The following EXOC4 variants were observed in gnomAD, a reference collection of about 807,000 sequenced individuals.
EXOC4 encodes SEC8-like 1.
In EXOC4, 71 loss-of-function variants were observed where a neutral mutation model predicts 107.2. The observed-to-expected ratio is 0.66, with a 90% CI of 0.55 to 0.81. The LOEUF is 0.81. Among genes scored for constraint, EXOC4 ranks in the 30% least tolerant of loss-of-function variants. The probability of loss-of-function intolerance (pLI) is 0.00; values close to 1 mark genes in which losing one functional copy is unlikely to be tolerated. For missense variants in EXOC4, 1,108 were observed against 1,189.6 expected, an observed-to-expected ratio of 0.93 and a Z score of 1.01; for synonymous variants, 456 against 441.2, an observed-to-expected ratio of 1.03 and a Z score of -0.42.
At chr7:133,960,789 T>A (rs1800924915) in intron 14 of EXOC4, among the ~76,000 whole-genome samples, 1 of 152,156 alleles carries the variant, frequency 6.6e-6, no homozygotes, top group Non-Finnish European at 1.5e-5. Context: ...GATTATAAGA[T>A]CACAGAACTT....
chr7:133,659,444 G>A (rs1298088465), intron 10 of EXOC4, among the ~76,000 whole-genome samples: 3 of 152,030 alleles, frequency 2.0e-5, no homozygotes, highest in African/African-American at 7.2e-5. Context: ...CCTGCGTTCT[G>A]GGGAAAAATT....
chr7:133,495,074 C>T (rs1799446440), intron 9 of EXOC4, among the ~76,000 whole-genome samples: 1 of 152,104 alleles, frequency 6.6e-6, no homozygotes, highest in African/African-American at 2.4e-5. Context: ...GAGTTCGAGA[C>T]CAACCTGGCC....
chr7:133,356,369 A>G lies in EXOC4; in HGVS notation c.803A>G (p.Glu268Gly). 6.2e-7 allele frequency: 1 copy of G among 1,614,054 alleles called. No homozygotes were observed. Among genetic ancestry groups the G allele is most frequent in the Non-Finnish European group, 8.5e-7 (1 of 1,179,972 alleles). ...INLQDIKEDL[E>G]LDPEENSTLF... is the part of the protein sequence containing the mutation. ...CTGCAGGACATCAAGGAAGATTTAG[A>G]ATTGGATCCAGAGGAAAACAGCACC... The change falls in exon 6 of 18, where the codon GAA becomes GGA. Residue 268 changes from glutamate to glycine, a missense_variant. Transcript: ENST00000253861.
chr7:133,434,651 G>A (rs779081624), intron 7 of EXOC4, among the ~76,000 whole-genome samples: 13 of 152,090 alleles, frequency 8.5e-5, no homozygotes, highest in Non-Finnish European at 1.5e-4. Flanking sequence ...AGAAAAAATC[G>A]GAAACCAAGT....
chr7:133,958,429 G>T (rs1203422898), intron 14 of EXOC4, among the ~76,000 whole-genome samples: 1 of 151,914 alleles, frequency 6.6e-6, no homozygotes, highest in African/African-American at 2.4e-5. Context: ...CAGTATTTTG[G>T]TCATTAACAT....
At chr7:133,983,108 A>G (rs1156759091) in intron 14 of EXOC4, among the ~76,000 whole-genome samples, 2 of 152,150 alleles carry the variant, frequency 1.3e-5, no homozygotes, top group African/African-American at 4.8e-5. Context: ...GGAAAAGGGG[A>G]GCAGGCATCT....
intron 12 of EXOC4, among the ~76,000 whole-genome samples, chr7:133,900,632 GA>G: frequency 6.6e-6 from 1 of 151,998 alleles, no homozygotes; most frequent in Non-Finnish European, 1.5e-5. Context: ...TGAAAAGCAA[GA>G]GTATAGAGAT....
intron 11 of EXOC4, among the ~76,000 whole-genome samples, chr7:133,820,426 C>CA (rs1797492705): frequency 6.6e-6 from 1 of 151,946 alleles, no homozygotes; most frequent in Non-Finnish European, 1.5e-5. Flanking sequence ...TCTACAAGCA[C>CA]AGGGTGAATT....
chr7:133,310,625 C>G (rs1794850198), intron 4 of EXOC4, among the ~76,000 whole-genome samples: 1 of 152,226 alleles, frequency 6.6e-6, no homozygotes, highest in Non-Finnish European at 1.5e-5. Context: ...GATTAAGCAG[C>G]TGAGCACACA....
chr7:133,280,242 G>A (rs1289174177), intron 2 of EXOC4, among the ~76,000 whole-genome samples: 1 of 152,218 alleles, frequency 6.6e-6, no homozygotes, highest in East Asian at 1.9e-4. Context: ...TAACTGGGCA[G>A]TTCTATTACT....
chr7:133,914,166 C>T (rs1263389946), intron 12 of EXOC4, among the ~76,000 whole-genome samples: 3 of 152,052 alleles, frequency 2.0e-5, no homozygotes, highest in African/African-American at 7.2e-5. Flanking sequence ...TTTAAAAAGC[C>T]CTTTTCTTGT....
intron 5 of EXOC4, among the ~76,000 whole-genome samples, chr7:133,347,169 G>A (rs1795801303): frequency 6.6e-6 from 1 of 151,700 alleles, no homozygotes; most frequent in Non-Finnish European, 1.5e-5. Context: ...TTTTTTAAGT[G>A]AGCCATCTAT....
chr7:133,895,714 A>G lies in EXOC4; in HGVS notation c.1850A>G (p.Asp617Gly), dbSNP rs1257671011. The G allele has an allele frequency of 4.3e-6, 7 of 1,614,008 alleles. No individual in the cohort carries two copies. The highest frequency in any genetic ancestry group is 5.9e-6 in the Non-Finnish European group (7 of 1,180,006). The change falls in exon 12 of 18, where the codon GAC becomes GGC. Residue 617 changes from aspartate (D) to glycine (G), a missense_variant. By Grantham distance (94) the Asp-to-Gly change is moderately conservative. Coordinates refer to ENST00000253861, the MANE Select transcript of EXOC4 (RefSeq NM_021807.4). ...TGCGTGAAGCTCCAGGAGTACAAGG[A>G]CACCTGCACTGCAGCTTACAGGTAG... ...MVCVKLQEYK[D>G]TCTAAYRGIV...
intron 9 of EXOC4, among the ~76,000 whole-genome samples, chr7:133,562,169 T>C (rs1800817326): frequency 6.6e-6 from 1 of 152,210 alleles, no homozygotes; most frequent in Admixed American, 6.5e-5. Context: ...ACTTGTTGCA[T>C]TTCTGCTTAT....
chr7:134,098,189 G>C, the EXOC4 span, among the ~76,000 whole-genome samples: 1 of 152,270 alleles, frequency 6.6e-6, no homozygotes, highest in South Asian at 2.1e-4. Context: ...TCAGTCTTCT[G>C]CTGGAATTAA....
chr7:133,474,023 A>C (rs756944500), intron 7 of EXOC4, among the ~76,000 whole-genome samples: 16 of 151,914 alleles, frequency 1.1e-4, no homozygotes, highest in Non-Finnish European at 2.9e-5. Flanking sequence ...CTTGTTTTTT[A>C]ATTCATTCAG....
intron 12 of EXOC4, among the ~76,000 whole-genome samples, chr7:133,902,860 AC>A (rs1266793590): frequency 3.4e-5 from 4 of 117,018 alleles, no homozygotes; most frequent in East Asian, 2.5e-4. Flanking sequence ...TCTCAAAAAA[AC>A]AAAACAAAAA....
rs1027304347 is a variant in EXOC4 at position 133,553,678 on chromosome 7, G to A, written c.1417+73540G>A. On this transcript the variant is annotated intron_variant, in intron 9 of 17. Coordinates refer to ENST00000253861, the MANE Select transcript of EXOC4 (RefSeq NM_021807.4). ...TTTTTCCTCTTTTGCCAGGCCTGAT[G>A]TTTCTTTTATGGAAATGGAATAGAT... 2.6e-4 allele frequency among the ~76,000 whole-genome samples: 39 copies of A among 152,182 alleles called. 1 individual carries two copies. The highest frequency in any genetic ancestry group is 8.2e-4 in the African/African-American group (34 of 41,536).
intron 10 of EXOC4, among the ~76,000 whole-genome samples, chr7:133,686,920 C>T (rs1585078869): frequency 6.6e-6 from 1 of 151,748 alleles, no homozygotes; most frequent in Non-Finnish European, 1.5e-5. Context: ...ATGTTTGTAG[C>T]AGCACAATTC....
Sources: gnomAD v4.1 joint callset for allele counts (sites outside exome capture counted in the v4.1 genomes callset) on GRCh38, gnomAD v4.1.1 for gene constraint, MANE v1.5 for transcripts, NCBI Gene and HGNC (gene_info 2026-07-23, HGNC 2026-07-21) for gene names.